DNAI4: variants seen among roughly 807,000 people sequenced by gnomAD.
DNAI4 encodes the protein WD repeat domain 78.
In DNAI4, 85 loss-of-function variants were observed where a neutral mutation model predicts 105.8. That is an observed-to-expected ratio of 0.80 (90% CI 0.67 to 0.96). DNAI4 has a LOEUF of 0.96. Ranked by LOEUF, DNAI4 falls within the 40% of genes least tolerant of loss-of-function variation. The probability of loss-of-function intolerance (pLI) is 0.00; values close to 1 mark genes in which losing one functional copy is unlikely to be tolerated. For synonymous variants in DNAI4, 352 were observed against 331.5 expected, an observed-to-expected ratio of 1.06 and a Z score of -0.67; for missense variants, 1,014 against 1,005.6, an observed-to-expected ratio of 1.01 and a Z score of -0.11.
intron 16 of DNAI4, among the ~76,000 whole-genome samples, chr1:66,814,866 T>C (rs1645485097): frequency 6.6e-6 from 1 of 152,174 alleles, no homozygotes; most frequent in South Asian, 2.1e-4. Flanking sequence ...TCAATTTCCA[T>C]GTGGGTTTTG....
intron 15 of DNAI4, among the ~76,000 whole-genome samples, chr1:66,825,616 T>C (rs1177519981): frequency 1.3e-5 from 2 of 152,226 alleles, no homozygotes; most frequent in Admixed American, 1.3e-4. Flanking sequence ...AGAAGACAAG[T>C]AGCAAGTTTG....
At chr1:66,904,413 G>A (rs907961060) in intron 2 of DNAI4, among the ~76,000 whole-genome samples, 5 of 152,074 alleles carry the variant, frequency 3.3e-5, no homozygotes, top group Non-Finnish European at 7.4e-5. Context: ...TAGGTACTTA[G>A]CAGTATTGTA....
intron 6 of DNAI4, among the ~76,000 whole-genome samples, chr1:66,866,223 C>T (rs1646730036): frequency 6.6e-6 from 1 of 151,806 alleles, no homozygotes; most frequent in Non-Finnish European, 1.5e-5. Context: ...AGGAGAATCA[C>T]TCGAATCCAG....
intron 4 of DNAI4, among the ~76,000 whole-genome samples, chr1:66,887,993 G>A (rs1334399083): frequency 6.6e-6 from 1 of 152,028 alleles, no homozygotes; most frequent in Non-Finnish European, 1.5e-5. Flanking sequence ...AATTCTTGCA[G>A]TTATTTAAAA....
chr1:66,847,485 T>A lies in DNAI4; in HGVS notation c.1290A>T (p.Lys430Asn). The A allele has an allele frequency of 1.2e-6, 2 of 1,611,550 alleles. No homozygotes were observed. Among genetic ancestry groups the A allele is most frequent in the Non-Finnish European group, 1.7e-6 (2 of 1,179,216 alleles). ...AACATGTTTATTTTTTTTAAATACC[T>A]TTTAAAACAGGAAGCTGACGATAAG... ...LAAYRQLPVL[K>N]EPEPEEPEDV... Residue 430 changes from lysine (K) to asparagine (N), a missense_variant and splice_region_variant, in exon 8 of 17, where the codon AAA becomes AAT. By Grantham distance (94) the Lys-to-Asn change is moderately conservative. Coordinates refer to ENST00000371026, the MANE Select transcript of DNAI4 (RefSeq NM_024763.5).
intron 8 of DNAI4, among the ~76,000 whole-genome samples, chr1:66,845,955 T>C (rs2100517260): frequency 6.6e-6 from 1 of 152,246 alleles, no homozygotes; most frequent in South Asian, 2.1e-4. Flanking sequence ...AGGGTATTGG[T>C]AACTCTGGTT....
intron 14 of DNAI4, 110 bp from the exon 15 acceptor site, chr1:66,827,156 A>G: frequency 1.1e-6 from 1 of 877,746 alleles, no homozygotes; most frequent in Non-Finnish European, 1.7e-6. Flanking sequence ...ACTATTCATT[A>G]TTGTGTGGGC....
chr1:66,879,013 G>A (rs1194971709), intron 4 of DNAI4, among the ~76,000 whole-genome samples: 5 of 151,914 alleles, frequency 3.3e-5, no homozygotes, highest in African/African-American at 1.2e-4. Context: ...TAGGATCCTC[G>A]TATTTCTTAA....
At chr1:66,819,501 G>A (rs1645582253) in intron 16 of DNAI4, among the ~76,000 whole-genome samples, 1 of 151,978 alleles carries the variant, frequency 6.6e-6, no homozygotes, top group South Asian at 2.1e-4. Context: ...TTGCTTGTGT[G>A]TTTGTTCATT....
intron 14 of DNAI4, 157 bp from the exon 15 acceptor site, chr1:66,827,203 T>C (rs962390208): frequency 4.9e-6 from 3 of 606,322 alleles, no homozygotes; most frequent in Non-Finnish European, 8.4e-6. Context: ...AGATTGAATC[T>C]TCCCTAAATT....
intron 15 of DNAI4, among the ~76,000 whole-genome samples, chr1:66,825,573 G>A (rs485524): frequency 0.031 from 4,791 of 152,220 alleles, 255 homozygotes; most frequent in African/African-American, 0.11. Flanking sequence ...CCTAGTCTTC[G>A]TCATCTAAAG....
chr1:66,875,403 C>T (rs1337066747), intron 4 of DNAI4, among the ~76,000 whole-genome samples: 3 of 152,148 alleles, frequency 2.0e-5, no homozygotes, highest in Non-Finnish European at 4.4e-5. Flanking sequence ...TGTCATTCCA[C>T]CTCTAATCAT....
chr1:66,843,465 A>G (rs759424095), intron 8 of DNAI4, among the ~76,000 whole-genome samples: 7 of 152,238 alleles, frequency 4.6e-5, no homozygotes, highest in Non-Finnish European at 1.0e-4. Context: ...TGAAAATATT[A>G]TCTTCAGTAT....
At chr1:66,919,723 A>G (rs1241055956) in intron 1 of DNAI4, among the ~76,000 whole-genome samples, 1 of 152,236 alleles carries the variant, frequency 6.6e-6, no homozygotes, top group East Asian at 1.9e-4. Context: ...CTCAAGGACA[A>G]CTACTTTACC....
chr1:66,875,169 C>T (rs1019637442), intron 4 of DNAI4, among the ~76,000 whole-genome samples: 3 of 152,042 alleles, frequency 2.0e-5, no homozygotes, highest in Non-Finnish European at 4.4e-5. Flanking sequence ...CAGTCTAATA[C>T]CAATAGTCAT....
chr1:66,867,539 T>A (rs1207744196), intron 6 of DNAI4, among the ~76,000 whole-genome samples: 1 of 152,156 alleles, frequency 6.6e-6, no homozygotes. Flanking sequence ...TATCAAGATC[T>A]TTTTATTCTT....
chr1:66,910,715 T>C (rs957919168), intron 1 of DNAI4, among the ~76,000 whole-genome samples: 3 of 152,256 alleles, frequency 2.0e-5, no homozygotes, highest in African/African-American at 7.2e-5. Flanking sequence ...CTTTTTACTA[T>C]CTAACATAGT....
At chr1:66,903,091 T>C (rs913803780) in intron 2 of DNAI4, among the ~76,000 whole-genome samples, 1 of 152,190 alleles carries the variant, frequency 6.6e-6, no homozygotes, top group African/African-American at 2.4e-5. Context: ...ATCACTGGGA[T>C]TTTGGAGGGA....
intron 8 of DNAI4, among the ~76,000 whole-genome samples, chr1:66,844,059 A>T (rs1646212604): frequency 1.7e-5 from 2 of 120,398 alleles, no homozygotes; most frequent in African/African-American, 6.0e-5. Flanking sequence ...TCTTATTTAA[A>T]ATGGTGCTGA....
Sources: gnomAD v4.1 joint callset for allele counts (sites outside exome capture counted in the v4.1 genomes callset) on GRCh38, gnomAD v4.1.1 for gene constraint, MANE v1.5 for transcripts, NCBI Gene and HGNC (gene_info 2026-07-23, HGNC 2026-07-21) for gene names.